Variants in CPNE8 observed in about 807,000 individuals in gnomAD.
The protein encoded by CPNE8 is copine 8.
CPNE8 carries 45 observed loss-of-function variants against 81.5 expected under a neutral mutation model. The ratio of observed to expected loss-of-function variants is 0.55; its 90% CI spans 0.44 to 0.71. The LOEUF is 0.71. Ranked by LOEUF, CPNE8 falls within the 30% of genes least tolerant of loss-of-function variation. The pLI is 0.00. For synonymous variants in CPNE8, 252 were observed against 226.3 expected (o/e 1.11, Z -1.02); for missense variants, 594 against 672.1 (o/e 0.88, Z 1.28).
chr12:38,905,126 T>A (rs909665614), intron 1 of CPNE8, among the ~76,000 whole-genome samples: 3 of 151,788 alleles, frequency 2.0e-5, no homozygotes, highest in Non-Finnish European at 4.4e-5. Context: ...CCAGCCCGGG[T>A]TTGGGGCGGA....
intron 12 of CPNE8, among the ~76,000 whole-genome samples, chr12:38,724,143 T>C (rs1420376825): frequency 6.6e-6 from 1 of 152,100 alleles, no homozygotes; most frequent in African/African-American, 2.4e-5. Context: ...AGTTGGAAAA[T>C]GGTTAAAACC....
intron 14 of CPNE8, among the ~76,000 whole-genome samples, chr12:38,701,178 T>C (rs190740879): frequency 1.0e-3 from 155 of 152,330 alleles, no homozygotes; most frequent in Middle Eastern, 3.4e-3. Flanking sequence ...CAGAAGAGTT[T>C]GTGGAGAATT....
At chr12:38,736,231 GTGT>G (rs1195022995) in intron 10 of CPNE8, among the ~76,000 whole-genome samples, 1 of 101,580 alleles carries the variant, frequency 9.8e-6, no homozygotes, top group African/African-American at 3.2e-5. Context: ...GTGTGTGTGT[GTGT>G]TGTGTGTGTA....
intron 1 of CPNE8, among the ~76,000 whole-genome samples, chr12:38,895,804 A>G (rs1210284824): frequency 6.6e-6 from 1 of 152,144 alleles, no homozygotes; most frequent in African/African-American, 2.4e-5. Flanking sequence ...TCCACTCTTC[A>G]AGCCGACAAT....
intron 19 of CPNE8, among the ~76,000 whole-genome samples, chr12:38,667,501 G>A (rs1939083359): frequency 6.6e-6 from 1 of 152,180 alleles, no homozygotes; most frequent in Non-Finnish European, 1.5e-5. Context: ...AATGTGATAT[G>A]TAAAGTACTG....
At chr12:38,695,730 G>A (rs937644691) in intron 14 of CPNE8, among the ~76,000 whole-genome samples, 2 of 152,152 alleles carry the variant, frequency 1.3e-5, no homozygotes, top group Non-Finnish European at 2.9e-5. Context: ...CTTGAGCCCA[G>A]GAGTTTGCAA....
chr12:38,884,726 G>T (rs1944214314), intron 1 of CPNE8, among the ~76,000 whole-genome samples: 1 of 151,834 alleles, frequency 6.6e-6, no homozygotes, highest in African/African-American at 2.4e-5. Context: ...ATTGTATAGT[G>T]GTATGAAGTA....
At chr12:38,682,642 A>G (rs1024360208) in intron 16 of CPNE8, among the ~76,000 whole-genome samples, 10 of 152,204 alleles carry the variant, frequency 6.6e-5, no homozygotes, top group African/African-American at 2.4e-4. Flanking sequence ...TTATTTTTAT[A>G]TGTATATATG....
At chr12:38,736,193 G>C (rs909811120) in intron 10 of CPNE8, among the ~76,000 whole-genome samples, 10 of 149,490 alleles carry the variant, frequency 6.7e-5, no homozygotes, top group Non-Finnish European at 1.5e-4. Context: ...TATATAATAA[G>C]TTCTATTGCC....
rs116156462 is a variant in CPNE8 at position 38,708,574 on chromosome 12, C to A, written c.915-5653G>T. Among the ~76,000 whole-genome samples the A allele has an allele frequency of 4.7e-3, 716 of 152,206 alleles. 5 individuals carry two copies. The highest frequency in any genetic ancestry group is 0.016 in the African/African-American group (664 of 41,526). ...TTTAGAATATAAAAAGTTATGCCTG[C>A]CAAATTGCATGAGTTAGTACTAACA... is the stretch of plus-strand genomic sequence containing the variant. On this transcript the variant is annotated intron_variant, in intron 13 of 19. Transcript: ENST00000331366.
intron 9 of CPNE8, 109 bp downstream of exon 9, chr12:38,762,002 GA>G: frequency 2.1e-6 from 1 of 468,478 alleles, no homozygotes; most frequent in Non-Finnish European, 3.7e-6. Flanking sequence ...TTCATTTTTG[GA>G]AAATAAGTTT....
Position 38,723,841 on chromosome 12 carries a change from A to G in CPNE8, c.853-8T>C, listed in dbSNP as rs766978541. On this transcript the variant is annotated splice_region_variant and splice_polypyrimidine_tract_variant and intron_variant, in intron 12 of 19. Transcript: ENST00000331366. ...GAAAGAGAGTAAAGTTACCTGAAAA[A>G]GAAAAAGACAGAATTACCTTCTAGT... The G allele has an allele frequency of 6.6e-7, 1 of 1,519,414 alleles. No homozygotes were observed. The highest frequency in any genetic ancestry group is 1.1e-5 in the South Asian group (1 of 88,582). 94.1% of individuals were successfully genotyped at this position (1,519,414 alleles called of 1,614,324 possible).
intron 19 of CPNE8, 42 bp from the exon 20 acceptor site, chr12:38,654,112 A>T: frequency 6.5e-7 from 1 of 1,543,052 alleles, no homozygotes; most frequent in Non-Finnish European, 8.7e-7. Context: ...AGACTTTAGC[A>T]GGCTATGTAA....
intron 6 of CPNE8, among the ~76,000 whole-genome samples, chr12:38,779,175 T>C (rs1212514948): frequency 3.3e-5 from 5 of 152,184 alleles, no homozygotes; most frequent in East Asian, 1.9e-4. Context: ...GAATAAAATA[T>C]GCAAAGATCT....
intron 11 of CPNE8, among the ~76,000 whole-genome samples, chr12:38,725,597 G>A (rs543755595): frequency 1.3e-5 from 2 of 152,162 alleles, no homozygotes; most frequent in South Asian, 4.1e-4. Flanking sequence ...GAAAGCCTTT[G>A]ACAGGAAAAA....
At chr12:38,741,806 G>T (rs1219125705) in intron 10 of CPNE8, among the ~76,000 whole-genome samples, 2 of 133,422 alleles carry the variant, frequency 1.5e-5, no homozygotes, top group African/African-American at 2.6e-5. Flanking sequence ...AATCTACAAA[G>T]AACTCAAACA....
chr12:38,841,214 C>G (rs987946217), intron 4 of CPNE8, among the ~76,000 whole-genome samples: 1 of 152,078 alleles, frequency 6.6e-6, no homozygotes, highest in African/African-American at 2.4e-5. Flanking sequence ...GGTGAAAGGA[C>G]AGGGTCTTTT....
chr12:38,704,892 A>T (rs774326420), intron 13 of CPNE8, among the ~76,000 whole-genome samples: 3 of 128,796 alleles, frequency 2.3e-5, no homozygotes, highest in Non-Finnish European at 5.0e-5. Context: ...TTGTTACCCA[A>T]ACTTATTTTA....
At chr12:38,682,727 G>T (rs1939438601) in intron 16 of CPNE8, among the ~76,000 whole-genome samples, 1 of 152,136 alleles carries the variant, frequency 6.6e-6, no homozygotes, top group Admixed American at 6.6e-5. Context: ...CCACAGAGTA[G>T]TATCAAATTA....
Sources: gnomAD v4.1 joint callset for allele counts (sites outside exome capture counted in the v4.1 genomes callset) on GRCh38, gnomAD v4.1.1 for gene constraint, MANE v1.5 for transcripts, NCBI Gene and HGNC (gene_info 2026-07-23, HGNC 2026-07-21) for gene names.